Variants in SLC23A2 observed in about 807,000 individuals in gnomAD.
SLC23A2 encodes the protein Na(+)/L-ascorbic acid transporter 2.
A neutral mutation model predicts 73.3 loss-of-function variants in SLC23A2; 36 were observed. That is an observed-to-expected ratio of 0.49 (90% CI 0.38 to 0.65). SLC23A2 has a LOEUF of 0.65. Ranked by LOEUF, SLC23A2 falls within the 30% of genes least tolerant of loss-of-function variation. SLC23A2 has a pLI of 0.00. For missense variants in SLC23A2, 507 were observed against 841.6 expected (o/e 0.60, Z 4.92); for synonymous variants, 343 against 327.3 (o/e 1.05, Z -0.52).
intron 1 of SLC23A2, among the ~76,000 whole-genome samples, chr20:4,986,136 C>T (rs951519004): frequency 2.0e-5 from 3 of 152,020 alleles, no homozygotes; most frequent in African/African-American, 7.2e-5. Context: ...AAATTTTTAT[C>T]ATGAAATCCG....
At chr20:4,968,742 G>A (rs2087514406) in intron 2 of SLC23A2, among the ~76,000 whole-genome samples, 2 of 146,898 alleles carry the variant, frequency 1.4e-5, no homozygotes, top group African/African-American at 2.5e-5. Flanking sequence ...TTTTTGAGAC[G>A]ACGTCTGTCT....
rs1932802080 is a variant in SLC23A2 at position 4,932,607 on chromosome 20, G to A, written c.-45C>T. On this transcript the variant is annotated 5_prime_UTR_variant, in exon 3 of 17. Transcript: ENST00000338244. Reference sequence around the variant, plus strand: ...ACACAGCCGTTGGGGAGAGCAGCTGGAAGTGAAGGCTTATTCAAGCTAGGA... The same window carrying A: ...ACACAGCCGTTGGGGAGAGCAGCTGAAAGTGAAGGCTTATTCAAGCTAGGA... 9.6e-7 allele frequency: 1 copy of A among 1,042,962 alleles called. No individual in the cohort carries two copies. Among genetic ancestry groups the A allele is most frequent in the Non-Finnish European group, 1.5e-6 (1 of 658,966 alleles). The allele number at this position is 1,042,962 out of a possible 1,614,324, so 64.6% of individuals were successfully genotyped here.
intron 2 of SLC23A2, among the ~76,000 whole-genome samples, chr20:4,957,397 C>T (rs921769818): frequency 1.3e-4 from 19 of 151,152 alleles, no homozygotes; most frequent in Admixed American, 3.3e-4. Flanking sequence ...AGGAGTTCAA[C>T]GTTCAGTGAA....
At chr20:4,974,843 A>AG (rs1195289012) in intron 1 of SLC23A2, among the ~76,000 whole-genome samples, 1 of 152,222 alleles carries the variant, frequency 6.6e-6, no homozygotes, top group Non-Finnish European at 1.5e-5. Context: ...GCTGGAGTGC[A>AG]GTAGCGTGAT....
At chr20:4,990,108 C>T (rs1167502285) in intron 1 of SLC23A2, among the ~76,000 whole-genome samples, 1 of 152,138 alleles carries the variant, frequency 6.6e-6, no homozygotes, top group African/African-American at 2.4e-5. Flanking sequence ...AGCCCAGATC[C>T]CCAAGTCACC....
At chr20:5,003,786 C>T (rs2088160556), upstream of SLC23A2, among the ~76,000 whole-genome samples, 1 of 152,122 alleles carries the variant, frequency 6.6e-6, no homozygotes. Flanking sequence ...GCCATCACCC[C>T]TCAGGCACTG....
At chr20:4,884,089 GGC>G (rs1338805714) in intron 8 of SLC23A2, among the ~76,000 whole-genome samples, 12 of 152,110 alleles carry the variant, frequency 7.9e-5, no homozygotes, top group Admixed American at 7.2e-4. Flanking sequence ...AAACGATGCA[GGC>G]AAAAATTTAT....
At chr20:4,861,572 T>C (rs1929965569) in intron 15 of SLC23A2, among the ~76,000 whole-genome samples, 1 of 152,140 alleles carries the variant, frequency 6.6e-6, no homozygotes, top group Admixed American at 6.5e-5. Context: ...GTTAATAGGA[T>C]AGACATCAAA....
intron 2 of SLC23A2, among the ~76,000 whole-genome samples, chr20:4,965,692 C>T (rs1232503887): frequency 5.3e-5 from 8 of 152,040 alleles, no homozygotes; most frequent in African/African-American, 1.2e-4. Context: ...CTCAGCCGGG[C>T]GCGGTGGCTC....
At chr20:4,916,920 G>A (rs1345952646) in intron 3 of SLC23A2, among the ~76,000 whole-genome samples, 1 of 152,170 alleles carries the variant, frequency 6.6e-6, no homozygotes, top group Non-Finnish European at 1.5e-5. Context: ...GCTATGAATT[G>A]CCAGTAGGTT....
rs72552221 is a variant in SLC23A2, at chr20:4,867,866, G to A, written c.1260C>T (p.Phe420=). 658 of 1,593,446 alleles carry A rather than the reference G, an allele frequency of 4.1e-4. 2 individuals are homozygous for A. In the African/African-American group the frequency reaches 7.4e-3, roughly 18 times the overall value. ...PPIHAINRGI[F]VEGLSCVLDG... ...CAAGAACACAGGAGAGGCCTTCCAC[G>A]AAAATTCCCCTAAGATGTAAAGGAA... Residue 420 remains phenylalanine (F), a synonymous_variant, in exon 13 of 17, where the codon TTC becomes TTT. Transcript: ENST00000338244.
At chr20:4,983,211 T>C (rs2087754406) in intron 1 of SLC23A2, among the ~76,000 whole-genome samples, 1 of 152,102 alleles carries the variant, frequency 6.6e-6, no homozygotes, top group African/African-American at 2.4e-5. Context: ...ATAAAATTCT[T>C]AGAAGAAAAC....
chr20:4,935,483 A>T (rs2086948110), intron 2 of SLC23A2, among the ~76,000 whole-genome samples: 1 of 152,162 alleles, frequency 6.6e-6, no homozygotes, highest in Non-Finnish European at 1.5e-5. Flanking sequence ...AACACTGCAA[A>T]GTCTGATAGC....
upstream of SLC23A2, chr20:5,001,534 C>CG (rs2088126593): frequency 6.7e-6 from 1 of 150,218 alleles, no homozygotes; most frequent in African/African-American, 2.4e-5. Context: ...GGGCCGGGGG[C>CG]GGGGTGCAGC....
At chr20:4,977,972 T>A (rs938967311) in intron 1 of SLC23A2, among the ~76,000 whole-genome samples, 1 of 151,994 alleles carries the variant, frequency 6.6e-6, no homozygotes, top group African/African-American at 2.4e-5. Context: ...TCACACTGTA[T>A]AATCTCACTT....
At chr20:4,898,110 G>T (rs1402078638) in intron 6 of SLC23A2, among the ~76,000 whole-genome samples, 1 of 152,216 alleles carries the variant, frequency 6.6e-6, no homozygotes, top group Non-Finnish European at 1.5e-5. Context: ...TTCTTGGAAG[G>T]CCCAGACCAC....
chr20:4,891,898 GCAC>G (rs1276235266), intron 6 of SLC23A2, among the ~76,000 whole-genome samples: 1 of 151,582 alleles, frequency 6.6e-6, no homozygotes, highest in Non-Finnish European at 1.5e-5. Context: ...CCACAGGTGT[GCAC>G]CACCACACCT....
intron 2 of SLC23A2, among the ~76,000 whole-genome samples, chr20:4,950,075 G>A (rs575773078): frequency 6.6e-6 from 1 of 152,264 alleles, no homozygotes; most frequent in East Asian, 1.9e-4. Flanking sequence ...CCACCACCCG[G>A]TTACAAACAG....
Position 4,945,380 on chromosome 20 carries a change from A to G in SLC23A2, c.-154-12664T>C, listed in dbSNP as rs150989697. On this transcript the variant is annotated intron_variant, in intron 2 of 16. Transcript: ENST00000338244. ...GGTTGGAGTACAGTCAAGCAATCGC[A>G]GCTCACTGCAACCTCCCACCTCAGC... Among the ~76,000 whole-genome samples the G allele has an allele frequency of 3.9e-3, 591 of 152,274 alleles. 4 individuals are homozygous for G. Among genetic ancestry groups the G allele is most frequent in the Non-Finnish European group, 4.9e-3 (336 of 68,026 alleles).
Sources: allele counts gnomAD v4.1 joint callset (sites outside exome capture counted in the v4.1 genomes callset), GRCh38; gene constraint gnomAD v4.1.1; transcripts MANE v1.5; gene names NCBI Gene and HGNC (gene_info 2026-07-23, HGNC 2026-07-21).